The following ERBB4 variants were observed in gnomAD, a reference collection of about 807,000 sequenced individuals.
ERBB4 encodes the protein receptor tyrosine-protein kinase erbB-4.
ERBB4 carries 42 observed loss-of-function variants against 158.0 expected under a neutral mutation model. That is an observed-to-expected ratio of 0.27 (90% CI 0.21 to 0.34). ERBB4 has a LOEUF of 0.34. ERBB4 is among the 10% of genes least tolerant of loss of function. ERBB4 has a pLI of 1.00. For missense variants in ERBB4, 1,333 were observed against 1,624.1 expected, an observed-to-expected ratio of 0.82 and a Z score of 3.08; for synonymous variants, 583 against 558.7, an observed-to-expected ratio of 1.04 and a Z score of -0.61.
rs1050581704 is a variant in ERBB4, at chr2:211,704,023, G to A, written c.1289+81C>T. 61 of 834,538 alleles carry A rather than the reference G, an allele frequency of 7.3e-5. No individual in the cohort carries two copies. The Admixed American group carries it at 1.0e-3, about 14-fold the overall frequency. 51.7% of individuals were successfully genotyped at this position (834,538 alleles called of 1,614,324 possible). A position where few individuals can be genotyped will look rare whatever the true frequency, so the allele number is the denominator to read the frequency against. Reference sequence around the variant, plus strand: ...TTCCCCAGAATCAGTAAATCAATAAGAGTGATAGTTTTGACTTAATGCACA... The same window carrying A: ...TTCCCCAGAATCAGTAAATCAATAAAAGTGATAGTTTTGACTTAATGCACA... On this transcript the variant is annotated intron_variant, in intron 11 of 27. Transcript: ENST00000342788.
At chr2:211,735,405 A>C (rs1321434674) in intron 5 of ERBB4, among the ~76,000 whole-genome samples, 1 of 152,208 alleles carries the variant, frequency 6.6e-6, no homozygotes, top group South Asian at 2.1e-4. Flanking sequence ...ACATGTTTTC[A>C]TCAAGTTAAG....
intron 5 of ERBB4, among the ~76,000 whole-genome samples, chr2:211,745,350 C>T (rs556460777): frequency 2.6e-5 from 4 of 151,938 alleles, no homozygotes; most frequent in Non-Finnish European, 5.9e-5. Flanking sequence ...TACTTTTTGC[C>T]TCAGGATGCT....
chr2:211,604,288 T>C, intron 19 of ERBB4, among the ~76,000 whole-genome samples: 1 of 152,224 alleles, frequency 6.6e-6, no homozygotes. Flanking sequence ...TTGATTGAGC[T>C]TCTACCAATT....
chr2:211,680,255 C>A (rs1222357470), intron 12 of ERBB4, among the ~76,000 whole-genome samples: 1 of 151,966 alleles, frequency 6.6e-6, no homozygotes, highest in Non-Finnish European at 1.5e-5. Context: ...TACTGAATAT[C>A]TTTTATTCAG....
chr2:212,171,602 G>C (rs983625622), intron 1 of ERBB4, among the ~76,000 whole-genome samples: 3 of 152,106 alleles, frequency 2.0e-5, no homozygotes, highest in Non-Finnish European at 2.9e-5. Context: ...GGTTGAAGGT[G>C]ATTGGATCAT....
At chr2:212,027,299 A>G (rs1232583307) in intron 2 of ERBB4, among the ~76,000 whole-genome samples, 1 of 152,086 alleles carries the variant, frequency 6.6e-6, no homozygotes, top group African/African-American at 2.4e-5. Context: ...TGTTAATACA[A>G]TAACAGTCTG....
chr2:212,067,775 A>AC (rs1334785825), intron 2 of ERBB4, among the ~76,000 whole-genome samples: 3 of 151,926 alleles, frequency 2.0e-5, no homozygotes, highest in Non-Finnish European at 4.4e-5. Context: ...ACTTATCCCT[A>AC]CCTCTTTCAG....
chr2:212,438,162 T>G (rs981025043), intron 1 of ERBB4, among the ~76,000 whole-genome samples: 21 of 152,004 alleles, frequency 1.4e-4, no homozygotes, highest in Non-Finnish European at 7.4e-5. Context: ...TACATTTTTA[T>G]AACTGTGAGG....
intron 2 of ERBB4, among the ~76,000 whole-genome samples, chr2:212,107,541 G>A (rs2079268141): frequency 6.6e-6 from 1 of 152,134 alleles, no homozygotes; most frequent in South Asian, 2.1e-4. Context: ...TTTGGACTGT[G>A]GACTTTTGAT....
intron 16 of ERBB4, among the ~76,000 whole-genome samples, chr2:211,649,406 G>T (rs1398895029): frequency 6.6e-6 from 1 of 151,808 alleles, no homozygotes; most frequent in African/African-American, 2.4e-5. Context: ...TTTTGGAAAA[G>T]ACATCAGTAC....
At chr2:212,438,015 T>A (rs1250430140) in intron 1 of ERBB4, among the ~76,000 whole-genome samples, 2 of 152,110 alleles carry the variant, frequency 1.3e-5, no homozygotes, top group African/African-American at 4.8e-5. Context: ...TACCATGTTA[T>A]CTCATGTGTA....
chr2:211,798,710 A>T (rs777537125), intron 3 of ERBB4, among the ~76,000 whole-genome samples: 1 of 152,136 alleles, frequency 6.6e-6, no homozygotes, highest in African/African-American at 2.4e-5. Context: ...CCTTTGAGAG[A>T]TACATGAAAT....
At chr2:212,266,536 C>T (rs6727447) in intron 1 of ERBB4, among the ~76,000 whole-genome samples, 2 of 151,732 alleles carry the variant, frequency 1.3e-5, no homozygotes, top group Non-Finnish European at 2.9e-5. Flanking sequence ...TGAAACTACT[C>T]ATCTTTCACT....
chr2:211,701,650 G>A (rs748552960), intron 12 of ERBB4, among the ~76,000 whole-genome samples: 3 of 151,394 alleles, frequency 2.0e-5, no homozygotes, highest in Non-Finnish European at 4.4e-5. Flanking sequence ...CCCAGCTACC[G>A]GAGGCTGAGG....
intron 3 of ERBB4, among the ~76,000 whole-genome samples, chr2:211,894,913 T>C (rs1052636691): frequency 2.6e-5 from 4 of 152,198 alleles, no homozygotes; most frequent in African/African-American, 7.2e-5. Flanking sequence ...ATATCTAACA[T>C]GATTTATGTT....
chr2:211,653,970 T>A (rs566070565), intron 16 of ERBB4, among the ~76,000 whole-genome samples: 1 of 152,108 alleles, frequency 6.6e-6, no homozygotes, highest in Non-Finnish European at 1.5e-5. Context: ...CACCGCGCCC[T>A]GCCCAAAACA....
chr2:211,428,394 G>A lies in ERBB4; in HGVS notation c.2719+14C>T, dbSNP rs74568702. The A allele has an allele frequency of 1.4e-3, 2,004 of 1,483,086 alleles. 3 individuals carry two copies. The highest frequency in any genetic ancestry group is 1.7e-3 in the Non-Finnish European group (1,780 of 1,061,904). The allele number at this position is 1,483,086 out of a possible 1,614,324, so 91.9% of individuals were successfully genotyped here. ...TGCTTTACAAGCTTTAATTCGCAAA[G>A]AAGATTTATTTACCATAGCTCCAAA... is the stretch of plus-strand genomic sequence containing the variant. On this transcript the variant is annotated intron_variant, in intron 22 of 27. Transcript: ENST00000342788.
chr2:212,138,925 TTA>T (rs1484120064), intron 1 of ERBB4, among the ~76,000 whole-genome samples: 1 of 152,166 alleles, frequency 6.6e-6, no homozygotes, highest in Non-Finnish European at 1.5e-5. Flanking sequence ...AAATTTGATA[TTA>T]TAGTTAATAG....
At chr2:211,615,455 AG>A (rs1186620863) in intron 19 of ERBB4, among the ~76,000 whole-genome samples, 1 of 152,054 alleles carries the variant, frequency 6.6e-6, no homozygotes, top group East Asian at 1.9e-4. Flanking sequence ...GCGCCTTTAG[AG>A]TCATTTTCTT....
Sources: allele counts gnomAD v4.1 joint callset (sites outside exome capture counted in the v4.1 genomes callset), GRCh38; gene constraint gnomAD v4.1.1; transcripts MANE v1.5; gene names NCBI Gene and HGNC (gene_info 2026-07-23, HGNC 2026-07-21).